TENM3: variants seen among roughly 807,000 people sequenced by gnomAD.
TENM3 encodes teneurin transmembrane protein 3, also known as teneurin-3.
TENM3 carries 63 observed loss-of-function variants against 255.1 expected under a neutral mutation model. The ratio of observed to expected loss-of-function variants is 0.25; its 90% CI spans 0.20 to 0.30. TENM3 has a LOEUF of 0.30. Ranked by LOEUF, TENM3 falls within the 10% of genes least tolerant of loss-of-function variation. TENM3 has a pLI of 1.00. For synonymous variants in TENM3, 1,306 were observed against 1,322.3 expected, an observed-to-expected ratio of 0.99 and a Z score of 0.27; for missense variants, 2,929 against 3,461.1, an observed-to-expected ratio of 0.85 and a Z score of 3.86.
At chr4:182,627,277 A>G (rs1172657379) in intron 4 of TENM3, among the ~76,000 whole-genome samples, 1 of 152,184 alleles carries the variant, frequency 6.6e-6, no homozygotes, top group African/African-American at 2.4e-5. Flanking sequence ...CCTGTGAGGT[A>G]GATACTATTA....
the TENM3 span, among the ~76,000 whole-genome samples, chr4:181,684,380 T>G: frequency 6.6e-6 from 1 of 152,202 alleles, no homozygotes; most frequent in Admixed American, 6.5e-5. Flanking sequence ...TTCCTCATCC[T>G]TCACAATATG....
chr4:182,164,604 C>T (rs181049917), intron 1 of TENM3, among the ~76,000 whole-genome samples: 1 of 152,298 alleles, frequency 6.6e-6, no homozygotes, highest in Non-Finnish European at 1.5e-5. Flanking sequence ...TAAAACAGTG[C>T]ATAAAACATA....
the TENM3 span, among the ~76,000 whole-genome samples, chr4:181,654,212 A>C: frequency 6.8e-6 from 1 of 146,722 alleles, no homozygotes; most frequent in Non-Finnish European, 1.5e-5. Flanking sequence ...CCTTCCTCTG[A>C]TTCTCTACTG....
chr4:181,961,468 T>C, the TENM3 span, among the ~76,000 whole-genome samples: 1 of 152,298 alleles, frequency 6.6e-6, no homozygotes, highest in South Asian at 2.1e-4. Flanking sequence ...TCACCTAGGC[T>C]GGAGCGTAGT....
At chr4:181,699,357 A>G in the TENM3 span, among the ~76,000 whole-genome samples, 1 of 140,030 alleles carries the variant, frequency 7.1e-6, no homozygotes, top group African/African-American at 2.6e-5. Flanking sequence ...CAGAAGCTTG[A>G]TCTTGAGCCC....
At chr4:182,265,208 T>C (rs1056400849) in intron 1 of TENM3, among the ~76,000 whole-genome samples, 1 of 152,166 alleles carries the variant, frequency 6.6e-6, no homozygotes, top group Admixed American at 6.5e-5. Context: ...AGAAATTACT[T>C]AGCATTATAA....
upstream of TENM3, among the ~76,000 whole-genome samples, chr4:182,241,853 GACCGTTCTTTTAAAAACGCTTCTCCAC>G (rs1167416594): frequency 1.8e-4 from 27 of 152,034 alleles, no homozygotes; most frequent in African/African-American, 5.5e-4. Context: ...CACAAGGCTT[GACCGTTCTTTTAAAAACGCTTCTCCAC>G]TGAAATGACT....
rs879618912 is a variant in TENM3, at chr4:182,781,644, T to C, written c.5304+6491T>C. Among the ~76,000 whole-genome samples the C allele has an allele frequency of 9.0e-3, 1,360 of 150,940 alleles. 7 individuals are homozygous for C. Among genetic ancestry groups the C allele is most frequent in the Non-Finnish European group, 0.014 (963 of 67,552 alleles). ...AGAAGGAATGGTACCAGTTCCTCCT[T>C]GTACCTCTGGTAGAATTCAGCTGTG... On this transcript the variant is annotated intron_variant, in intron 24 of 27. Coordinates refer to ENST00000511685, the MANE Select transcript of TENM3 (RefSeq NM_001080477.4).
chr4:182,779,411 G>C (rs1028656788), intron 24 of TENM3, among the ~76,000 whole-genome samples: 10 of 152,082 alleles, frequency 6.6e-5, no homozygotes, highest in African/African-American at 2.2e-4. Context: ...TGGCTGCATA[G>C]TATTCCATGG....
the TENM3 span, among the ~76,000 whole-genome samples, chr4:181,723,750 T>G: frequency 6.6e-6 from 1 of 152,132 alleles, no homozygotes; most frequent in African/African-American, 2.4e-5. Context: ...GGCAGAGAAC[T>G]AAGTGGATTC....
the TENM3 span, among the ~76,000 whole-genome samples, chr4:181,814,202 A>G: frequency 6.6e-6 from 1 of 152,186 alleles, no homozygotes; most frequent in Admixed American, 6.5e-5. Context: ...TGTACTAGAC[A>G]CATGTAAAAC....
chr4:182,369,585 T>C (rs1313726139), intron 3 of TENM3, among the ~76,000 whole-genome samples: 1 of 152,162 alleles, frequency 6.6e-6, no homozygotes, highest in Non-Finnish European at 1.5e-5. Context: ...AATCCTGCTA[T>C]ATTAAAAGTT....
At chr4:181,906,889 T>C in the TENM3 span, among the ~76,000 whole-genome samples, 2 of 152,278 alleles carry the variant, frequency 1.3e-5, no homozygotes, top group South Asian at 4.1e-4. Context: ...TTTTATTTTT[T>C]ATTTTTTGAG....
chr4:181,865,898 T>C, the TENM3 span, among the ~76,000 whole-genome samples: 68 of 152,116 alleles, frequency 4.5e-4, no homozygotes, highest in Non-Finnish European at 2.2e-4. Context: ...AACAGAGAAA[T>C]TGGTCAGTTT....
the TENM3 span, among the ~76,000 whole-genome samples, chr4:181,911,456 TAAA>T: frequency 4.6e-5 from 7 of 152,096 alleles, no homozygotes; most frequent in African/African-American, 1.7e-4. Context: ...TGAGAGAGAA[TAAA>T]GAGAAAGATA....
chr4:182,283,178 T>G (rs79028815), intron 1 of TENM3, among the ~76,000 whole-genome samples: 2 of 152,318 alleles, frequency 1.3e-5, no homozygotes, highest in East Asian at 3.9e-4. Context: ...TTTAAACGTT[T>G]ATGTTTAATT....
At chr4:181,992,569 C>T in the TENM3 span, among the ~76,000 whole-genome samples, 1 of 152,090 alleles carries the variant, frequency 6.6e-6, no homozygotes, top group Non-Finnish European at 1.5e-5. Context: ...TATTCTGTAT[C>T]TCTTTACATT....
At chr4:182,064,349 A>T in the TENM3 span, among the ~76,000 whole-genome samples, 1 of 152,026 alleles carries the variant, frequency 6.6e-6, no homozygotes, top group Non-Finnish European at 1.5e-5. Context: ...GAGGCTGAGA[A>T]GGGCGGATCA....
chr4:181,831,389 C>T, the TENM3 span, among the ~76,000 whole-genome samples: 15 of 151,534 alleles, frequency 9.9e-5, no homozygotes, highest in African/African-American at 2.2e-4. Flanking sequence ...AGTTTTATTT[C>T]GGCTACAGAA....
Sources: gnomAD v4.1 joint callset for allele counts (sites outside exome capture counted in the v4.1 genomes callset) on GRCh38, gnomAD v4.1.1 for gene constraint, MANE v1.5 for transcripts, NCBI Gene and HGNC (gene_info 2026-07-23, HGNC 2026-07-21) for gene names.